Variants in PTPRD observed in about 807,000 individuals in gnomAD.
PTPRD encodes the protein protein tyrosine phosphatase receptor type D.
PTPRD carries 34 observed loss-of-function variants against 214.5 expected under a neutral mutation model. That is an observed-to-expected ratio of 0.16 (90% CI 0.12 to 0.21). The LOEUF is 0.21. PTPRD is among the 10% of genes least tolerant of loss of function. The pLI is 1.00. For missense variants in PTPRD, 2,545 were observed against 2,398.7 expected (o/e 1.06, Z -1.27); for synonymous variants, 1,128 against 845.7 (o/e 1.33, Z -5.79).
intron 2 of PTPRD, among the ~76,000 whole-genome samples, chr9:10,489,986 T>C (rs917347598): frequency 6.6e-6 from 1 of 152,168 alleles, no homozygotes; most frequent in African/African-American, 2.4e-5. Context: ...TGATTTTTGG[T>C]TCTTATGAAG....
intron 5 of PTPRD, among the ~76,000 whole-genome samples, chr9:9,863,182 A>T (rs2063170681): frequency 6.6e-6 from 1 of 152,194 alleles, no homozygotes; most frequent in African/African-American, 2.4e-5. Flanking sequence ...TCCACAGAAA[A>T]GATGAGAGAG....
intron 5 of PTPRD, among the ~76,000 whole-genome samples, chr9:9,915,329 C>A (rs2080413323): frequency 6.6e-6 from 1 of 151,192 alleles, no homozygotes; most frequent in African/African-American, 2.4e-5. Flanking sequence ...ACATAAAAAA[C>A]AAAGGAAACA....
intron 3 of PTPRD, among the ~76,000 whole-genome samples, chr9:10,091,749 A>T (rs1310558136): frequency 6.9e-6 from 1 of 145,716 alleles, no homozygotes; most frequent in Non-Finnish European, 1.5e-5. Context: ...TTGCAAATCC[A>T]TATATTCTTC....
chr9:10,250,191 C>A (rs2498606), intron 3 of PTPRD, among the ~76,000 whole-genome samples: 2 of 151,736 alleles, frequency 1.3e-5, no homozygotes, highest in Admixed American at 6.6e-5. Context: ...CTTTAGGAGG[C>A]GGGAAATGAA....
At chr9:9,462,140 T>C (rs1010206545) in intron 8 of PTPRD, among the ~76,000 whole-genome samples, 3 of 152,142 alleles carry the variant, frequency 2.0e-5, no homozygotes, top group African/African-American at 7.2e-5. Flanking sequence ...TAAATATCTG[T>C]TGAATTAAAA....
In PTPRD at chr9:8,808,152, G is replaced by A. The variant is rs145054748; in HGVS notation, c.-103-74206C>T. ...TGTCTTTTTCTTTCATCAACATCCT[G>A]TTCACATGTCTAACCGATTTAGGAT... On this transcript the variant is annotated intron_variant, in intron 11 of 45. Coordinates refer to ENST00000381196, the MANE Select transcript of PTPRD (RefSeq NM_002839.4). Among the ~76,000 whole-genome samples, 774 of 152,130 alleles carry A rather than the reference G, an allele frequency of 5.1e-3. 3 individuals carry two copies. The highest frequency in any genetic ancestry group is 9.7e-3 in the Admixed American group (148 of 15,282).
chr9:9,420,086 T>C (rs1265192332), intron 8 of PTPRD, among the ~76,000 whole-genome samples: 1 of 123,660 alleles, frequency 8.1e-6, no homozygotes, highest in East Asian at 2.2e-4. Context: ...AAAATGCACA[T>C]AGTGTAATGA....
chr9:10,107,002 A>G (rs1367064692), intron 3 of PTPRD, among the ~76,000 whole-genome samples: 1 of 151,942 alleles, frequency 6.6e-6, no homozygotes. Context: ...AGCTGAATGA[A>G]GGGATGAGGA....
At chr9:9,745,810 T>C (rs1271423948) in intron 6 of PTPRD, among the ~76,000 whole-genome samples, 1 of 152,122 alleles carries the variant, frequency 6.6e-6, no homozygotes, top group Non-Finnish European at 1.5e-5. Flanking sequence ...ATCACAGTGC[T>C]TTTCATATAG....
intron 3 of PTPRD, among the ~76,000 whole-genome samples, chr9:10,087,646 C>T (rs959060242): frequency 2.6e-5 from 4 of 151,482 alleles, no homozygotes; most frequent in Admixed American, 1.3e-4. Context: ...ACAGAGCACC[C>T]AAAGGAAATT....
chr9:9,095,580 T>G (rs2099782295), intron 10 of PTPRD, among the ~76,000 whole-genome samples: 1 of 152,148 alleles, frequency 6.6e-6, no homozygotes, highest in African/African-American at 2.4e-5. Flanking sequence ...TCCTCCTGCC[T>G]CAGTCACCCA....
chr9:8,952,401 T>C (rs1251718049), intron 11 of PTPRD, among the ~76,000 whole-genome samples: 2 of 152,030 alleles, frequency 1.3e-5, no homozygotes, highest in Non-Finnish European at 2.9e-5. Flanking sequence ...CAATTTTTCT[T>C]GAATTAGCAA....
intron 3 of PTPRD, among the ~76,000 whole-genome samples, chr9:10,061,167 T>C (rs910308493): frequency 6.6e-6 from 1 of 151,878 alleles, no homozygotes; most frequent in Non-Finnish European, 1.5e-5. Context: ...TCATTTAAGT[T>C]ACTCTCCACT....
At chr9:10,375,599 T>C (rs1052914145) in intron 2 of PTPRD, among the ~76,000 whole-genome samples, 1 of 152,020 alleles carries the variant, frequency 6.6e-6, no homozygotes, top group African/African-American at 2.4e-5. Context: ...ACAAAAAGAA[T>C]AGTTCAGTAA....
chr9:9,138,426 A>G (rs1453908911), intron 10 of PTPRD, among the ~76,000 whole-genome samples: 1 of 152,196 alleles, frequency 6.6e-6, no homozygotes, highest in Non-Finnish European at 1.5e-5. Flanking sequence ...AAAGTCAAAC[A>G]TATCTTGAAT....
At chr9:9,350,474 G>T (rs2050686911) in intron 9 of PTPRD, among the ~76,000 whole-genome samples, 1 of 151,994 alleles carries the variant, frequency 6.6e-6, no homozygotes, top group Non-Finnish European at 1.5e-5. Flanking sequence ...AATTAGCTGG[G>T]ATTCAAGCAA....
intron 11 of PTPRD, among the ~76,000 whole-genome samples, chr9:8,793,273 TAA>T (rs34255185): frequency 0.084 from 12,828 of 152,210 alleles, 1,217 homozygotes; most frequent in African/African-American, 0.23. Flanking sequence ...CATTTTGGAA[TAA>T]GCCAGCTACC....
At chr9:8,460,383 T>C (rs1316858979) in intron 33 of PTPRD, 28 bp downstream of exon 33, 1 of 1,608,250 alleles carries the variant, frequency 6.2e-7, no homozygotes, top group African/African-American at 1.3e-5. Context: ...GCCTCCAAAA[T>C]TACAACAGAA....
At chr9:8,517,385 T>A (rs1390728795) in intron 21 of PTPRD, among the ~76,000 whole-genome samples, 1 of 152,200 alleles carries the variant, frequency 6.6e-6, no homozygotes, top group Non-Finnish European at 1.5e-5. Flanking sequence ...AGAGAATACT[T>A]ATTTTCAAGC....
Sources: gnomAD v4.1 joint callset for allele counts (sites outside exome capture counted in the v4.1 genomes callset) on GRCh38, gnomAD v4.1.1 for gene constraint, MANE v1.5 for transcripts, NCBI Gene and HGNC (gene_info 2026-07-23, HGNC 2026-07-21) for gene names.